TNFSF4: variants seen among roughly 807,000 people sequenced by gnomAD.
TNFSF4 encodes tumor necrosis factor ligand superfamily member 4.
TNFSF4 carries 4 observed loss-of-function variants against 7.3 expected under a neutral mutation model. That is an observed-to-expected ratio of 0.55 (90% CI 0.27 to 1.25). The LOEUF is 1.25. Among genes scored for constraint, TNFSF4 ranks in the 50% most tolerant of loss-of-function variants. The probability of loss-of-function intolerance (pLI) is 0.12; values close to 1 mark genes in which losing one functional copy is unlikely to be tolerated. For synonymous variants in TNFSF4, 76 were observed against 83.7 expected, an observed-to-expected ratio of 0.91 and a Z score of 0.50; for missense variants, 181 against 208.8, an observed-to-expected ratio of 0.87 and a Z score of 0.82.
At chr1:173,416,793 C>T in the TNFSF4 span, among the ~76,000 whole-genome samples, 1 of 151,872 alleles carries the variant, frequency 6.6e-6, no homozygotes, top group Admixed American at 6.6e-5. Flanking sequence ...GACAGGGTTT[C>T]GCCATGTTGC....
At chr1:173,230,111 C>T in the TNFSF4 span, among the ~76,000 whole-genome samples, 1 of 152,166 alleles carries the variant, frequency 6.6e-6, no homozygotes, top group Non-Finnish European at 1.5e-5. Context: ...ACTCTCCACC[C>T]CAAATCAACA....
chr1:173,409,609 A>C, the TNFSF4 span, among the ~76,000 whole-genome samples: 3 of 152,228 alleles, frequency 2.0e-5, no homozygotes, highest in East Asian at 5.8e-4. Context: ...AAACTTTTTA[A>C]GGTAAAGCCC....
the TNFSF4 span, among the ~76,000 whole-genome samples, chr1:173,266,881 G>T: frequency 1.3e-5 from 2 of 152,138 alleles, no homozygotes; most frequent in Admixed American, 1.3e-4. Context: ...GAAATTGTTT[G>T]AATGGTTATT....
At chr1:173,319,490 C>G in the TNFSF4 span, among the ~76,000 whole-genome samples, 1 of 152,182 alleles carries the variant, frequency 6.6e-6, no homozygotes, top group Non-Finnish European at 1.5e-5. Flanking sequence ...TCTCCCAGGA[C>G]AGTGTACCAG....
At chr1:173,262,634 G>A in the TNFSF4 span, among the ~76,000 whole-genome samples, 143 of 123,320 alleles carry the variant, frequency 1.2e-3, no homozygotes, top group African/African-American at 4.3e-3. Context: ...ATGGAGTCTC[G>A]CTCTGTCGCC....
At chr1:173,438,771 T>C in the TNFSF4 span, among the ~76,000 whole-genome samples, 2 of 152,336 alleles carry the variant, frequency 1.3e-5, no homozygotes. Flanking sequence ...GCTTAAGGTC[T>C]GAAGAAAGCT....
At chr1:173,344,970 T>C in the TNFSF4 span, among the ~76,000 whole-genome samples, 5 of 152,204 alleles carry the variant, frequency 3.3e-5, no homozygotes, top group African/African-American at 1.2e-4. Flanking sequence ...CCCTGTTATA[T>C]CTGCAAGTCT....
the TNFSF4 span, among the ~76,000 whole-genome samples, chr1:173,322,883 G>T: frequency 6.6e-6 from 1 of 152,204 alleles, no homozygotes; most frequent in African/African-American, 2.4e-5. Context: ...AAACAAAGCG[G>T]CAGGGAAGCT....
the TNFSF4 span, among the ~76,000 whole-genome samples, chr1:173,340,489 C>T: frequency 6.6e-6 from 1 of 151,986 alleles, no homozygotes; most frequent in Non-Finnish European, 1.5e-5. Context: ...GGTGATGAGC[C>T]TGACCCTCTA....
At chr1:173,349,324 G>A in the TNFSF4 span, among the ~76,000 whole-genome samples, 7 of 152,150 alleles carry the variant, frequency 4.6e-5, no homozygotes, top group African/African-American at 7.2e-5. Flanking sequence ...CACCACGCCC[G>A]GCCCCCTTGC....
At chr1:173,244,598 C>T in the TNFSF4 span, among the ~76,000 whole-genome samples, 1 of 145,514 alleles carries the variant, frequency 6.9e-6, no homozygotes, top group Non-Finnish European at 1.5e-5. Context: ...GCCGAGATCC[C>T]GCCACTGCAC....
the TNFSF4 span, among the ~76,000 whole-genome samples, chr1:173,249,089 C>T: frequency 8.5e-5 from 13 of 152,094 alleles, no homozygotes; most frequent in Admixed American, 2.0e-4. Flanking sequence ...GAAGTAGAGT[C>T]GACAAGACTT....
intron 1 of TNFSF4, among the ~76,000 whole-genome samples, chr1:173,202,703 T>C (rs561006595): frequency 6.6e-6 from 1 of 152,336 alleles, no homozygotes; most frequent in South Asian, 2.1e-4. Context: ...TCCTTTAGCA[T>C]GATTCACAAG....
the TNFSF4 span, among the ~76,000 whole-genome samples, chr1:173,215,515 T>C: frequency 6.6e-6 from 1 of 152,246 alleles, no homozygotes. Flanking sequence ...TATTCTTAAA[T>C]GTCTTTCCTA....
At chr1:173,254,458 G>T in the TNFSF4 span, among the ~76,000 whole-genome samples, 1 of 152,114 alleles carries the variant, frequency 6.6e-6, no homozygotes, top group East Asian at 1.9e-4. Flanking sequence ...CCAGTAGACT[G>T]GAATCTCCTG....
the TNFSF4 span, among the ~76,000 whole-genome samples, chr1:173,436,953 C>T: frequency 1.3e-5 from 2 of 152,162 alleles, no homozygotes; most frequent in Non-Finnish European, 2.9e-5. Context: ...CCCTGGAATG[C>T]CCAGCGTGTT....
At chr1:173,237,308 A>C in the TNFSF4 span, among the ~76,000 whole-genome samples, 1 of 152,182 alleles carries the variant, frequency 6.6e-6, no homozygotes, top group African/African-American at 2.4e-5. Flanking sequence ...ACAGAACTAA[A>C]GACAAAAACT....
the TNFSF4 span, among the ~76,000 whole-genome samples, chr1:173,427,390 A>G: frequency 6.6e-6 from 1 of 152,248 alleles, no homozygotes; most frequent in Middle Eastern, 3.4e-3. Context: ...GCTGCTAAAC[A>G]TTCCACAATG....
intron 1 of TNFSF4, among the ~76,000 whole-genome samples, chr1:173,196,058 C>A (rs1181009673): frequency 1.3e-5 from 2 of 152,120 alleles, no homozygotes; most frequent in African/African-American, 4.8e-5. Flanking sequence ...GAATTTTTCA[C>A]TCTTAGCCAC....
Sources: gnomAD v4.1 joint callset for allele counts (sites outside exome capture counted in the v4.1 genomes callset) on GRCh38, gnomAD v4.1.1 for gene constraint, MANE v1.5 for transcripts, NCBI Gene and HGNC (gene_info 2026-07-23, HGNC 2026-07-21) for gene names.